Variants in VCF1 observed in about 807,000 individuals in gnomAD.
VCF1 encodes VCP nuclear cofactor family member 1.
At chr17:73,209,632 G>A in the VCF1 span, 2 of 1,561,608 alleles carry the variant, frequency 1.3e-6, no homozygotes, top group African/African-American at 1.4e-5. Context: ...GGACTGCTCG[G>A]GCACGGGCTG....
chr17:73,227,671 A>T, the VCF1 span: 12 of 986,024 alleles, frequency 1.2e-5, no homozygotes, highest in African/African-American at 2.1e-4. Context: ...AACATTTGAT[A>T]TAAGAGTGGC....
the VCF1 span, among the ~76,000 whole-genome samples, chr17:73,226,437 G>A: frequency 6.6e-6 from 1 of 152,218 alleles, no homozygotes; most frequent in Non-Finnish European, 1.5e-5. Flanking sequence ...GAATTCTACT[G>A]TGAGTTATGA....
chr17:73,220,637 G>C, the VCF1 span, among the ~76,000 whole-genome samples: 1 of 150,932 alleles, frequency 6.6e-6, no homozygotes, highest in Non-Finnish European at 1.5e-5. Context: ...TAGAGACGGG[G>C]TTTCACCATG....
At chr17:73,227,520 A>C in the VCF1 span, 20 of 705,838 alleles carry the variant, frequency 2.8e-5, no homozygotes, top group Non-Finnish European at 3.3e-5. Context: ...AACAATTTTA[A>C]ATGTCTGTTG....
At chr17:73,229,652 G>C in the VCF1 span, 1 of 883,714 alleles carries the variant, frequency 1.1e-6, no homozygotes, top group South Asian at 5.2e-5. Flanking sequence ...GATCACTTGA[G>C]GTCAGGAGTT....
the VCF1 span, among the ~76,000 whole-genome samples, chr17:73,210,973 C>A: frequency 6.6e-6 from 1 of 152,134 alleles, no homozygotes; most frequent in Admixed American, 6.6e-5. Context: ...TTGGCAGTAC[C>A]TTTCTGTGTT....
At chr17:73,209,888 A>T in the VCF1 span, 1 of 1,428,196 alleles carries the variant, frequency 7.0e-7, no homozygotes, top group Non-Finnish European at 9.3e-7. Context: ...GAGGATGAAG[A>T]CATATACTGG....
the VCF1 span, among the ~76,000 whole-genome samples, chr17:73,212,075 TA>T: frequency 6.6e-6 from 1 of 152,196 alleles, no homozygotes; most frequent in African/African-American, 2.4e-5. Flanking sequence ...ACAGTAGTTA[TA>T]TTAGGATGGA....
the VCF1 span, among the ~76,000 whole-genome samples, chr17:73,219,191 C>CAAAAAA: frequency 7.2e-5 from 3 of 41,856 alleles, no homozygotes; most frequent in East Asian, 7.8e-4. Context: ...AACTCCGTCT[C>CAAAAAA]AAAAAAAAAA....
the VCF1 span, among the ~76,000 whole-genome samples, chr17:73,215,328 A>C: frequency 6.6e-6 from 1 of 152,202 alleles, no homozygotes; most frequent in Non-Finnish European, 1.5e-5. Flanking sequence ...TCTGTCACTC[A>C]GGCTGGAGCA....
chr17:73,220,871 G>T, the VCF1 span, among the ~76,000 whole-genome samples: 1 of 147,346 alleles, frequency 6.8e-6, no homozygotes. Context: ...CTTTTAAAAG[G>T]TATTGCTTTT....
the VCF1 span, chr17:73,207,391 C>A: frequency 3.5e-6 from 3 of 867,100 alleles, no homozygotes; most frequent in Non-Finnish European, 3.8e-6. Context: ...TTAATGGCGG[C>A]GCAATAGAGA....
the VCF1 span, among the ~76,000 whole-genome samples, chr17:73,225,135 C>T: frequency 6.7e-6 from 1 of 149,572 alleles, no homozygotes; most frequent in Non-Finnish European, 1.5e-5. Flanking sequence ...TGAGTTCAGA[C>T]AGAAACTACC....
chr17:73,224,990 CACAGG>C, the VCF1 span, among the ~76,000 whole-genome samples: 9 of 92,226 alleles, frequency 9.8e-5, no homozygotes, highest in Non-Finnish European at 1.8e-4. Flanking sequence ...CACAGCACAG[CACAGG>C]ACAGGACAGG....
chr17:73,223,217 T>A, the VCF1 span, among the ~76,000 whole-genome samples: 74 of 152,238 alleles, frequency 4.9e-4, no homozygotes, highest in Admixed American at 2.9e-3. Flanking sequence ...CTCGGGAGGC[T>A]GAGGCAGGAT....
the VCF1 span, among the ~76,000 whole-genome samples, chr17:73,225,748 TA>T: frequency 6.6e-6 from 1 of 151,666 alleles, no homozygotes; most frequent in Admixed American, 6.6e-5. Flanking sequence ...ATATTCATGG[TA>T]GCCTCTAATC....
the VCF1 span, chr17:73,232,362 C>T: frequency 5.4e-6 from 8 of 1,473,336 alleles, no homozygotes; most frequent in Non-Finnish European, 7.2e-6. Context: ...CCATCCCAAC[C>T]GCACCGACTG....
the VCF1 span, chr17:73,232,290 G>C: frequency 6.3e-7 from 1 of 1,592,612 alleles, no homozygotes. Context: ...TCCGGCGTCT[G>C]CTCCGCGCCC....
chr17:73,209,779 G>A, the VCF1 span: 1 of 1,539,386 alleles, frequency 6.5e-7, no homozygotes, highest in East Asian at 2.4e-5. Flanking sequence ...CTGGAAGGAA[G>A]AAGAAAGAAA....
Sources: allele counts gnomAD v4.1 joint callset (sites outside exome capture counted in the v4.1 genomes callset), GRCh38; gene constraint gnomAD v4.1.1; transcripts MANE v1.5; gene names NCBI Gene and HGNC (gene_info 2026-07-23, HGNC 2026-07-21).